The following STON2 variants were observed in gnomAD, a reference collection of about 807,000 sequenced individuals.
STON2 encodes the protein stonin 2.
A neutral mutation model predicts 65.7 loss-of-function variants in STON2; 29 were observed. That is an observed-to-expected ratio of 0.44 (90% CI 0.33 to 0.60). The LOEUF is 0.60. STON2 is among the 20% of genes least tolerant of loss of function. STON2 has a pLI of 0.03. For synonymous variants in STON2, 404 were observed against 414.2 expected, an observed-to-expected ratio of 0.98 and a Z score of 0.30; for missense variants, 1,054 against 1,118.1, an observed-to-expected ratio of 0.94 and a Z score of 0.82.
chr14:81,411,065 C>T (rs897540562), intron 2 of STON2, among the ~76,000 whole-genome samples: 17 of 152,142 alleles, frequency 1.1e-4, no homozygotes, highest in Admixed American at 2.0e-4. Context: ...AATTAGGTTG[C>T]CTTTTCAGAG....
intron 3 of STON2, among the ~76,000 whole-genome samples, chr14:81,388,579 G>C (rs1899933602): frequency 6.6e-6 from 1 of 152,176 alleles, no homozygotes; most frequent in South Asian, 2.1e-4. Flanking sequence ...ATTAATGACA[G>C]TCTCTTTGTC....
rs138263075 is a variant in STON2, at chr14:81,349,806, G to A, written c.571+21182C>T. Reference sequence around the variant, plus strand: ...GTTTATTGTATCACTATTTACAATAGTCAAGATATGAAATCAACCTAAGTG... The same window carrying A: ...GTTTATTGTATCACTATTTACAATAATCAAGATATGAAATCAACCTAAGTG... On this transcript the variant is annotated intron_variant, in intron 4 of 7. Coordinates refer to ENST00000614646, the MANE Select transcript of STON2 (RefSeq NM_001394390.1). Among the ~76,000 whole-genome samples the A allele has an allele frequency of 2.8e-3, 420 of 152,208 alleles. 1 individual carries two copies. The highest frequency in any genetic ancestry group is 9.6e-3 in the African/African-American group (399 of 41,524).
chr14:81,407,071 G>A (rs1900903898), intron 2 of STON2, among the ~76,000 whole-genome samples: 1 of 152,178 alleles, frequency 6.6e-6, no homozygotes, highest in Non-Finnish European at 1.5e-5. Context: ...GCGAGTGTCA[G>A]GCTCACCTCA....
chr14:81,303,494 T>C (rs1274033520), intron 5 of STON2, among the ~76,000 whole-genome samples: 1 of 152,166 alleles, frequency 6.6e-6, no homozygotes, highest in Non-Finnish European at 1.5e-5. Flanking sequence ...GCTGAGTCAT[T>C]GCGCCACCAC....
chr14:81,262,953 G>C lies in STON2; in HGVS notation c.*5461C>G, dbSNP rs1894209435. The C allele has an allele frequency of 1.0e-6, 1 of 985,198 alleles. No homozygotes were observed. The highest frequency in any genetic ancestry group is 1.1e-4 in the East Asian group (1 of 8,828). 61.0% of individuals were successfully genotyped at this position (985,198 alleles called of 1,614,324 possible). The stretch of plus-strand genomic sequence containing the variant: ...AACAAGATAAGAAATGGTTTGTGGG[G>C]AATTAGCACTTAGACCTTGGTAATG... On this transcript the variant is annotated 3_prime_UTR_variant, in exon 8 of 8. Coordinates refer to ENST00000614646, the MANE Select transcript of STON2 (RefSeq NM_001394390.1).
chr14:81,403,578 G>A (rs1900705327), upstream of STON2, among the ~76,000 whole-genome samples: 1 of 152,150 alleles, frequency 6.6e-6, no homozygotes, highest in African/African-American at 2.4e-5. Context: ...CCCAAGCCCA[G>A]AAGCAGGCAC....
At chr14:81,352,684 A>C (rs1898070289) in intron 4 of STON2, among the ~76,000 whole-genome samples, 1 of 152,224 alleles carries the variant, frequency 6.6e-6, no homozygotes, top group Non-Finnish European at 1.5e-5. Context: ...TCTGTTAAAG[A>C]AGGATCATAA....
At chr14:81,333,180 T>TC in intron 4 of STON2, 1 of 1,290,002 alleles carries the variant, frequency 7.8e-7, no homozygotes, top group Non-Finnish European at 1.1e-6. Context: ...GAGTTCTGAA[T>TC]CCAAGTACAA....
chr14:81,339,702 CAAG>C (rs539476595), intron 4 of STON2, among the ~76,000 whole-genome samples: 4 of 152,266 alleles, frequency 2.6e-5, no homozygotes, highest in South Asian at 4.1e-4. Flanking sequence ...GGCAAAGTAT[CAAG>C]AAGGAGTGGC....
At chr14:81,367,291 G>C (rs1898780876) in intron 4 of STON2, among the ~76,000 whole-genome samples, 1 of 151,916 alleles carries the variant, frequency 6.6e-6, no homozygotes, top group South Asian at 2.1e-4. Flanking sequence ...CAATTCTCCT[G>C]CCTCAGCTTC....
chr14:81,299,438 C>T (rs923431247), intron 5 of STON2, among the ~76,000 whole-genome samples: 2 of 152,172 alleles, frequency 1.3e-5, no homozygotes, highest in African/African-American at 4.8e-5. Flanking sequence ...AGTGTTCCTC[C>T]CAGTCTCACC....
Position 81,278,530 on chromosome 14 carries a change from C to T in STON2, c.952G>A (p.Val318Met), listed in dbSNP as rs1260588772. 2.5e-6 allele frequency: 4 copies of T among 1,613,716 alleles called. No individual in the cohort carries two copies. Among genetic ancestry groups the T allele is most frequent in the Non-Finnish European group, 3.4e-6 (4 of 1,179,864 alleles). ...LKPNTPPSAS[V>M]IPDVPYNSMG... ...GAATTATAAGGTACATCTGGGATCA[C>T]AGATGCACTTGGTGGTGTATTTGGC... Residue 318 changes from valine (V) to methionine (M), a missense_variant, in exon 6 of 8, where the codon GTG (valine) becomes ATG (methionine). By Grantham distance (21) the Val-to-Met change is conservative. Transcript: ENST00000614646.
In STON2 at chr14:81,263,923, A is replaced by C; in HGVS notation, c.*4491T>G. On this transcript the variant is annotated 3_prime_UTR_variant, in exon 8 of 8. Coordinates refer to ENST00000614646, the MANE Select transcript of STON2 (RefSeq NM_001394390.1). ...CTCTGAAATCATGACTTTATCTCAC[A>C]AATTTTGACCTTACTATCTCAGACC... 4 of 985,458 alleles carry C rather than the reference A, an allele frequency of 4.1e-6. No individual in the cohort carries two copies. Among genetic ancestry groups the C allele is most frequent in the Non-Finnish European group, 4.8e-6 (4 of 829,938 alleles). 61.0% of individuals were successfully genotyped at this position (985,458 alleles called of 1,614,324 possible).
intron 4 of STON2, among the ~76,000 whole-genome samples, chr14:81,348,873 C>CATTTAA (rs76595908): frequency 0.28 from 41,830 of 151,808 alleles, 6,087 homozygotes; most frequent in South Asian, 0.35. Flanking sequence ...AGTGACTAAA[C>CATTTAA]AGCATGGTAA....
At chr14:81,284,228 C>G (rs1895245317) in intron 5 of STON2, among the ~76,000 whole-genome samples, 1 of 152,220 alleles carries the variant, frequency 6.6e-6, no homozygotes, top group South Asian at 2.1e-4. Context: ...TTATATGTCT[C>G]TTACTTTCAA....
At chr14:81,425,608 A>C (rs1262490611) in intron 2 of STON2, among the ~76,000 whole-genome samples, 1 of 151,986 alleles carries the variant, frequency 6.6e-6, no homozygotes, top group Non-Finnish European at 1.5e-5. Flanking sequence ...TTAGTATCTT[A>C]GGGAAGAGTG....
rs547311310 is a variant in STON2, at chr14:81,434,464, G to A, written c.-310+1857C>T. Among the ~76,000 whole-genome samples, 58 of 152,276 alleles carry A rather than the reference G, an allele frequency of 3.8e-4. 1 individual carries two copies. The South Asian group carries it at 9.7e-3, about 26-fold the overall frequency. On this transcript the variant is annotated intron_variant, in intron 1 of 8. Coordinates refer to the STON2 transcript ENST00000553821. Reference sequence around the variant, plus strand: ...GACTTGAAAGATTGCATCTGGAAGTGGGCTTCTTACCCCCTGAGAAGATAA... The same window carrying A: ...GACTTGAAAGATTGCATCTGGAAGTAGGCTTCTTACCCCCTGAGAAGATAA...
chr14:81,435,635 C>G (rs1181926042), intron 1 of STON2, among the ~76,000 whole-genome samples: 1 of 152,160 alleles, frequency 6.6e-6, no homozygotes, highest in East Asian at 1.9e-4. Flanking sequence ...TCAGGCAGCT[C>G]CTTCCAGTAG....
intron 2 of STON2, among the ~76,000 whole-genome samples, chr14:81,417,883 G>A (rs1901517442): frequency 6.6e-6 from 1 of 152,100 alleles, no homozygotes; most frequent in Admixed American, 6.5e-5. Flanking sequence ...GAGAGAGATA[G>A]AAAAACCAGA....
Sources: allele counts gnomAD v4.1 joint callset (sites outside exome capture counted in the v4.1 genomes callset), GRCh38; gene constraint gnomAD v4.1.1; transcripts MANE v1.5; gene names NCBI Gene and HGNC (gene_info 2026-07-23, HGNC 2026-07-21).